The following ARHGAP6 variants were observed in gnomAD, a reference collection of about 807,000 sequenced individuals.
ARHGAP6 encodes Rho GTPase activating protein 6, also known as rho GTPase-activating protein 6.
In ARHGAP6, 16 loss-of-function variants were observed where a neutral mutation model predicts 55.7. That is an observed-to-expected ratio of 0.29 (90% CI 0.19 to 0.44). The LOEUF is 0.44. Among genes scored for constraint, ARHGAP6 ranks in the 20% least tolerant of loss-of-function variants. ARHGAP6 has a pLI of 1.00. For synonymous variants in ARHGAP6, 382 were observed against 360.9 expected, an observed-to-expected ratio of 1.06 and a Z score of -0.66; for missense variants, 698 against 808.9, an observed-to-expected ratio of 0.86 and a Z score of 1.66.
intron 1 of ARHGAP6, among the ~76,000 whole-genome samples, chrX:11,552,601 G>GAC (rs769582716): frequency 0.035 from 1,262 of 35,858 alleles, 100 homozygotes; most frequent in African/African-American, 0.13. Context: ...TATATATATA[G>GAC]ACACACACAC....
At chrX:11,234,609 T>C (rs758769422) in intron 2 of ARHGAP6, among the ~76,000 whole-genome samples, 1 of 112,406 alleles carries the variant, frequency 8.9e-6, no homozygotes, top group African/African-American at 3.2e-5. Context: ...TCATTGAGAA[T>C]AGGGTTGCCA....
chrX:11,390,438 G>T (rs1342891961), intron 1 of ARHGAP6, among the ~76,000 whole-genome samples: 1 of 111,236 alleles, frequency 9.0e-6, no homozygotes, highest in African/African-American at 3.3e-5. Flanking sequence ...AAAAGCAATG[G>T]CAACAAAAGC....
intron 1 of ARHGAP6, among the ~76,000 whole-genome samples, chrX:11,521,133 C>G (rs2050920579): frequency 1.8e-5 from 2 of 112,007 alleles, no homozygotes; most frequent in South Asian, 3.7e-4. Flanking sequence ...ATAGTATTTT[C>G]TTTTGCTGGG....
intron 1 of ARHGAP6, among the ~76,000 whole-genome samples, chrX:11,549,611 G>A (rs1395121154): frequency 8.9e-6 from 1 of 111,818 alleles, no homozygotes; most frequent in Non-Finnish European, 1.9e-5. Context: ...TGATTCAGTA[G>A]GCCTGTGATG....
intron 1 of ARHGAP6, among the ~76,000 whole-genome samples, chrX:11,430,129 A>G (rs1041514842): frequency 1.8e-5 from 2 of 112,264 alleles, no homozygotes; most frequent in Non-Finnish European, 3.8e-5. Context: ...TTAAAACCTT[A>G]ACCATAGCCT....
chrX:11,413,390 G>T (rs564507555), intron 1 of ARHGAP6, among the ~76,000 whole-genome samples: 9 of 112,180 alleles, frequency 8.0e-5, no homozygotes, highest in Middle Eastern at 4.6e-3. Context: ...CATTCAAAGG[G>T]TCACAAGAAT....
At chrX:11,360,165 C>A (rs1182450329) in intron 1 of ARHGAP6, among the ~76,000 whole-genome samples, 1 of 111,944 alleles carries the variant, frequency 8.9e-6, no homozygotes, top group Non-Finnish European at 1.9e-5. Flanking sequence ...ATGAGGCCAG[C>A]ATCATCCTGA....
intron 10 of ARHGAP6, among the ~76,000 whole-genome samples, chrX:11,153,683 T>A (rs931965692): frequency 1.8e-5 from 2 of 110,827 alleles, no homozygotes; most frequent in Non-Finnish European, 3.8e-5. Flanking sequence ...TTCCTTGGCC[T>A]GTACCTAGAG....
chrX:11,595,114 C>A (rs1308041621), intron 1 of ARHGAP6, among the ~76,000 whole-genome samples: 1 of 110,671 alleles, frequency 9.0e-6, no homozygotes, highest in African/African-American at 3.3e-5. Flanking sequence ...CATGGTAAAA[C>A]CCCATCTCTA....
chrX:11,199,763 A>T (rs1306367032), intron 2 of ARHGAP6, among the ~76,000 whole-genome samples: 2 of 112,104 alleles, frequency 1.8e-5, no homozygotes, highest in Non-Finnish European at 1.9e-5. Context: ...TTACAACAAA[A>T]TTTTTTCACT....
Position 11,516,012 on chromosome X carries a change from G to A in ARHGAP6, c.588+148229C>T, listed in dbSNP as rs768720241. ...TATTAAAGTTAATTGGCTATGAGTA[G>A]AGATAGGCCATCAAGGTCTCCTGTC... On this transcript the variant is annotated intron_variant, in intron 1 of 12. Transcript: ENST00000337414. Among the ~76,000 whole-genome samples the A allele has an allele frequency of 7.0e-4, 79 of 112,354 alleles. 1 individual carries two copies. The highest frequency in any genetic ancestry group is 1.5e-3 in the South Asian group (4 of 2,717).
chrX:11,496,452 G>A (rs749554626), intron 1 of ARHGAP6, among the ~76,000 whole-genome samples: 2 of 111,626 alleles, frequency 1.8e-5, no homozygotes, highest in Non-Finnish European at 3.8e-5. Context: ...AAAAAAAGCT[G>A]TGTGTTATCT....
chrX:11,333,717 T>C (rs1448802769), intron 1 of ARHGAP6, among the ~76,000 whole-genome samples: 1 of 112,300 alleles, frequency 8.9e-6, no homozygotes, highest in African/African-American at 3.2e-5. Flanking sequence ...AGCAAACTCA[T>C]TGGTTTTCAT....
intron 8 of ARHGAP6, among the ~76,000 whole-genome samples, chrX:11,171,153 G>A (rs1316675086): frequency 2.7e-5 from 3 of 110,849 alleles, no homozygotes; most frequent in Non-Finnish European, 5.7e-5. Context: ...ACTATTTTTT[G>A]CTTGAAGCAT....
intron 1 of ARHGAP6, among the ~76,000 whole-genome samples, chrX:11,500,895 C>T (rs914221665): frequency 4.5e-5 from 5 of 110,585 alleles, no homozygotes; most frequent in Non-Finnish European, 9.4e-5. Context: ...AATGCCATAA[C>T]ATGATTCATG....
At chrX:11,477,259 T>C (rs1330872691) in intron 1 of ARHGAP6, among the ~76,000 whole-genome samples, 3 of 111,223 alleles carry the variant, frequency 2.7e-5, no homozygotes, top group Non-Finnish European at 5.7e-5. Flanking sequence ...ATGATATTTA[T>C]CAGCACTATT....
intron 1 of ARHGAP6, among the ~76,000 whole-genome samples, chrX:11,520,138 T>TATATATAC (rs1224408711): frequency 9.0e-5 from 4 of 44,575 alleles, no homozygotes; most frequent in African/African-American, 4.3e-4. Flanking sequence ...ATTTTATATA[T>TATATATAC]ATATATATAT....
rs1158772805 is a variant in ARHGAP6, at chrX:11,298,047, G to A, written c.589-43340C>T. 8.2e-6 allele frequency: 9 copies of A among 1,098,403 alleles called. No homozygotes were observed. The East Asian group carries it at 2.4e-4, about 29-fold the overall frequency. 90.5% of individuals were successfully genotyped at this position (1,098,403 alleles called of 1,213,427 possible). On this transcript the variant is annotated intron_variant, in intron 1 of 12. Coordinates refer to ENST00000337414, the MANE Select transcript of ARHGAP6 (RefSeq NM_013427.3). The stretch of plus-strand genomic sequence containing the variant: ...AATGTGTGTGATGGATGTAAACACA[G>A]TGCCTGTCACACAGGAAGCACCCAA...
chrX:11,441,343 CATACTCTCCCCTG>C (rs2050037102), intron 1 of ARHGAP6, among the ~76,000 whole-genome samples: 1 of 112,039 alleles, frequency 8.9e-6, no homozygotes, highest in African/African-American at 3.2e-5. Context: ...CTTGTCTTTG[CATACTCTCCCCTG>C]ATCAACTCTG....
Sources: gnomAD v4.1 joint callset for allele counts (sites outside exome capture counted in the v4.1 genomes callset) on GRCh38, gnomAD v4.1.1 for gene constraint, MANE v1.5 for transcripts, NCBI Gene and HGNC (gene_info 2026-07-23, HGNC 2026-07-21) for gene names.